The following USP25 variants were observed in gnomAD, a reference collection of about 807,000 sequenced individuals.
The protein encoded by USP25 is ubiquitin specific peptidase 25.
In USP25, 85 loss-of-function variants were observed where a neutral mutation model predicts 158.5. That is an observed-to-expected ratio of 0.54 (90% CI 0.45 to 0.64). The LOEUF (loss-of-function observed/expected upper bound fraction) is 0.64. USP25 is among the 30% of genes least tolerant of loss of function. USP25 has a pLI of 0.00. For missense variants in USP25, 1,242 were observed against 1,327.3 expected, an observed-to-expected ratio of 0.94 and a Z score of 1.00; for synonymous variants, 464 against 460.4, an observed-to-expected ratio of 1.01 and a Z score of -0.10.
intron 1 of USP25, among the ~76,000 whole-genome samples, chr21:15,756,354 A>G (rs1017382407): frequency 1.3e-5 from 2 of 152,094 alleles, no homozygotes; most frequent in Non-Finnish European, 2.9e-5. Context: ...AGTCCTTTCA[A>G]TTGCTTTTGT....
chr21:15,743,258 A>G (rs1181559988), intron 1 of USP25, among the ~76,000 whole-genome samples: 1 of 152,136 alleles, frequency 6.6e-6, no homozygotes, highest in Admixed American at 6.5e-5. Context: ...AGCTCTTTTC[A>G]TGCCCACTGC....
At chr21:15,874,073 T>G (rs2040004345) in intron 23 of USP25, among the ~76,000 whole-genome samples, 1 of 152,188 alleles carries the variant, frequency 6.6e-6, no homozygotes, top group Non-Finnish European at 1.5e-5. Context: ...TCACATTAGC[T>G]CCAATTTTGA....
At position 15,732,139 on chromosome 21, in the gene USP25, C is replaced by T. The variant is rs1211675455; in HGVS notation, c.45+1701C>T. On this transcript the variant is annotated intron_variant, in intron 1 of 25. Coordinates refer to ENST00000400183, the MANE Select transcript of USP25 (RefSeq NM_001283041.3). ...ACGAAAGTGATCTTGGCTGTCGAGT[C>T]CAATTTCCTACTTTAATGAATCCCC... Among the ~76,000 whole-genome samples the T allele has an allele frequency of 2.6e-5, 4 of 152,218 alleles. No homozygotes were observed. In the East Asian group the frequency reaches 5.8e-4, roughly 22 times the overall value.
chr21:15,747,202 A>G (rs959183026), intron 1 of USP25, among the ~76,000 whole-genome samples: 1 of 151,614 alleles, frequency 6.6e-6, no homozygotes. Context: ...TTGTTTTTCT[A>G]TTTACAATAG....
At chr21:15,818,531 C>A (rs1331464530) in intron 9 of USP25, among the ~76,000 whole-genome samples, 167 bp from the exon 10 acceptor site, 6 of 152,068 alleles carry the variant, frequency 3.9e-5, no homozygotes, top group Admixed American at 2.0e-4. Flanking sequence ...TATAAATGTA[C>A]ATTTGCACAT....
intron 4 of USP25, 97 bp from the exon 5 acceptor site, chr21:15,791,405 T>C: frequency 7.9e-7 from 1 of 1,265,072 alleles, no homozygotes; most frequent in Non-Finnish European, 1.0e-6. Flanking sequence ...AAATACATTA[T>C]TGAAATCTTA....
intron 20 of USP25, among the ~76,000 whole-genome samples, chr21:15,860,483 A>T (rs910407829): frequency 1.2e-4 from 19 of 152,050 alleles, no homozygotes; most frequent in African/African-American, 4.6e-4. Context: ...ACAGCCCAAT[A>T]GGTTTTGATA....
At chr21:15,775,948 C>A (rs995013257) in intron 3 of USP25, among the ~76,000 whole-genome samples, 1 of 151,984 alleles carries the variant, frequency 6.6e-6, no homozygotes, top group Admixed American at 6.6e-5. Context: ...TAATTAATCA[C>A]ACACCTAAAC....
intron 1 of USP25, among the ~76,000 whole-genome samples, chr21:15,760,807 T>G (rs1316843859): frequency 6.6e-6 from 1 of 152,196 alleles, no homozygotes; most frequent in Non-Finnish European, 1.5e-5. Flanking sequence ...TCATGCCCCT[T>G]TAGCACTTAA....
At chr21:15,745,473 C>CTTTTTTTTT (rs11284817) in intron 1 of USP25, among the ~76,000 whole-genome samples, 20 of 112,986 alleles carry the variant, frequency 1.8e-4, no homozygotes, top group East Asian at 5.0e-4. Flanking sequence ...TTTTTCTTTT[C>CTTTTTTTTT]TTTTTTTTTT....
Position 15,808,856 on chromosome 21 carries a change from T to C in USP25, c.828T>C (p.Asp276=). 2 of 1,611,666 alleles carry C rather than the reference T, an allele frequency of 1.2e-6. No homozygotes were observed. Among genetic ancestry groups the C allele is most frequent in the Non-Finnish European group, 1.7e-6 (2 of 1,179,448 alleles). The change falls in exon 8 of 26, where the codon GAT becomes GAC. Residue 276 remains aspartate, a synonymous_variant. Coordinates refer to ENST00000400183, the MANE Select transcript of USP25 (RefSeq NM_001283041.3). ...FTHKLLDWLE[D]AFQMKAEEET... ...ACAAATTATTAGATTGGTTAGAAGA[T>C]GCCTTCCAAATGAAAGCTGAAGAGG...
At chr21:15,730,976 GTTTTTTTT>G (rs748732727) in intron 1 of USP25, among the ~76,000 whole-genome samples, 953 of 53,704 alleles carry the variant, frequency 0.018, 21 homozygotes, top group East Asian at 0.072. Flanking sequence ...CTTCTTTTCT[GTTTTTTTT>G]TTTTTTTTTT....
chr21:15,827,767 T>TGC (rs1555849278), intron 14 of USP25, among the ~76,000 whole-genome samples: 3 of 78,638 alleles, frequency 3.8e-5, no homozygotes, highest in Non-Finnish European at 6.1e-5. Flanking sequence ...TGCGTGTGCG[T>TGC]GTGTGTGTGT....
chr21:15,782,786 G>GA (rs1167591347), intron 4 of USP25, among the ~76,000 whole-genome samples: 1 of 152,030 alleles, frequency 6.6e-6, no homozygotes, highest in Non-Finnish European at 1.5e-5. Flanking sequence ...GTTAAAATTG[G>GA]AAAAAGCAAT....
At chr21:15,864,669 A>T (rs2039580613) in intron 21 of USP25, among the ~76,000 whole-genome samples, 1 of 152,192 alleles carries the variant, frequency 6.6e-6, no homozygotes, top group Non-Finnish European at 1.5e-5. Flanking sequence ...TTTAATTGTG[A>T]ATCAAGTAAT....
chr21:15,867,800 A>G (rs145582849), intron 22 of USP25, among the ~76,000 whole-genome samples: 1 of 152,276 alleles, frequency 6.6e-6, no homozygotes, highest in East Asian at 1.9e-4. Context: ...AATTTAACAA[A>G]AGGTGCGTGT....
At chr21:15,761,397 C>T (rs2033717761) in intron 1 of USP25, among the ~76,000 whole-genome samples, 1 of 152,076 alleles carries the variant, frequency 6.6e-6, no homozygotes, top group Non-Finnish European at 1.5e-5. Flanking sequence ...AATAATTGGT[C>T]GCAGCCGGTG....
chr21:15,869,248 CAA>C (rs11300775), intron 22 of USP25, among the ~76,000 whole-genome samples: 94 of 100,476 alleles, frequency 9.4e-4, no homozygotes, highest in African/African-American at 1.6e-3. Flanking sequence ...ACCCTGTCTC[CAA>C]AAAAAAAAAA....
chr21:15,753,881 C>T (rs1246284789), intron 1 of USP25, among the ~76,000 whole-genome samples: 2 of 151,102 alleles, frequency 1.3e-5, no homozygotes, highest in Non-Finnish European at 2.9e-5. Flanking sequence ...ATGTAGCATC[C>T]AGAGCTACAA....
Sources: gnomAD v4.1 joint callset for allele counts (sites outside exome capture counted in the v4.1 genomes callset) on GRCh38, gnomAD v4.1.1 for gene constraint, MANE v1.5 for transcripts, NCBI Gene and HGNC (gene_info 2026-07-23, HGNC 2026-07-21) for gene names.